ACSF2: variants seen among roughly 807,000 people sequenced by gnomAD.
The protein encoded by ACSF2 is acyl-CoA synthetase family member 2.
In ACSF2, 52 loss-of-function variants were observed where a neutral mutation model predicts 79.3. That is an observed-to-expected ratio of 0.66 (90% CI 0.53 to 0.83). The LOEUF (loss-of-function observed/expected upper bound fraction) is 0.83. Among genes scored for constraint, ACSF2 ranks in the 40% least tolerant of loss-of-function variants. The pLI is 0.00. For missense variants in ACSF2, 661 were observed against 803.3 expected, an observed-to-expected ratio of 0.82 and a Z score of 2.14; for synonymous variants, 283 against 312.6, an observed-to-expected ratio of 0.91 and a Z score of 1.00.
intron 1 of ACSF2, among the ~76,000 whole-genome samples, chr17:50,448,087 T>C (rs547691405): frequency 3.9e-5 from 6 of 152,304 alleles, no homozygotes; most frequent in Admixed American, 3.3e-4. Context: ...TCAGACAATT[T>C]TGTCATTGTG....
intron 1 of ACSF2, among the ~76,000 whole-genome samples, chr17:50,441,000 T>A (rs180798668): frequency 5.9e-5 from 9 of 152,240 alleles, no homozygotes; most frequent in African/African-American, 2.2e-4. Context: ...CGGGAGGGGC[T>A]CCCCATGGAC....
intron 1 of ACSF2, 27 bp downstream of exon 1, chr17:50,426,416 G>T (rs1914985208): frequency 1.5e-6 from 2 of 1,299,766 alleles, no homozygotes; most frequent in Admixed American, 7.7e-5. Context: ...GGAAGAGAGG[G>T]GGCGGGGCAG....
intron 10 of ACSF2, chr17:50,469,052 T>A: frequency 7.7e-7 from 1 of 1,302,236 alleles, no homozygotes; most frequent in Non-Finnish European, 9.7e-7. Flanking sequence ...CCGGCTACCG[T>A]GCATGAGGGG....
chr17:50,449,090 T>C (rs541231222), intron 1 of ACSF2, among the ~76,000 whole-genome samples: 91 of 145,640 alleles, frequency 6.2e-4, no homozygotes, highest in African/African-American at 2.2e-3. Flanking sequence ...AATTTGGGCC[T>C]GCTGCAACTT....
intron 1 of ACSF2, among the ~76,000 whole-genome samples, chr17:50,437,523 G>A (rs978991284): frequency 1.3e-5 from 2 of 152,090 alleles, no homozygotes; most frequent in African/African-American, 4.8e-5. Flanking sequence ...CTGAGCGTGT[G>A]GCTCCTGCCT....
intron 1 of ACSF2, among the ~76,000 whole-genome samples, chr17:50,456,962 G>A (rs1255473278): frequency 6.6e-6 from 1 of 152,112 alleles, no homozygotes; most frequent in Non-Finnish European, 1.5e-5. Context: ...CTACTTGGGA[G>A]GCTGAGATGG....
At chr17:50,465,730 G>A (rs1398131560) in intron 10 of ACSF2, 8 of 1,613,672 alleles carry the variant, frequency 5.0e-6, no homozygotes, top group South Asian at 1.1e-5. Context: ...GGAGCTGGCA[G>A]GTACACTTCC....
chr17:50,469,504 T>G lies in ACSF2; in HGVS notation c.1216-1524T>G, dbSNP rs572556927. On this transcript the variant is annotated intron_variant, in intron 10 of 15. Coordinates refer to ENST00000300441, the MANE Select transcript of ACSF2 (RefSeq NM_025149.6). ...CCACCCTCGGGCGCGCCCCCACCCC[T>G]CTCTTCCAACCCCGCTTGCGTTTCT... Among the ~76,000 whole-genome samples the G allele has an allele frequency of 2.8e-5, 4 of 141,626 alleles. No individual in the cohort carries two copies. In the East Asian group the frequency reaches 8.6e-4, roughly 30 times the overall value. 92.9% of individuals were successfully genotyped at this position (141,626 alleles called of 152,430 possible).
chr17:50,472,154 T>C (rs1045168835), intron 11 of ACSF2: 2 of 450,754 alleles, frequency 4.4e-6, no homozygotes, highest in Non-Finnish European at 3.9e-6. Flanking sequence ...CAAACCTCTT[T>C]CTTTGCAGCA....
intron 12 of ACSF2, 56 bp from the exon 13 acceptor site, chr17:50,473,609 A>G (rs1480223533): frequency 6.2e-7 from 1 of 1,611,248 alleles, no homozygotes. Context: ...ACGACTGAGC[A>G]AGCAAGTGAG....
At position 50,460,803 on chromosome 17, in the gene ACSF2, C is replaced by T; in HGVS notation, c.255C>T (p.Val85=). The T allele has an allele frequency of 1.2e-6, 2 of 1,612,624 alleles. No individual in the cohort carries two copies. The highest frequency in any genetic ancestry group is 1.7e-6 in the Non-Finnish European group (2 of 1,179,278). The change falls in exon 2 of 16, where the codon GTC becomes GTT. Residue 85 remains valine (V), a synonymous_variant. Transcript: ENST00000300441. ...GCCTGGAGACCACAGCACAGAGGGTCCCAGAACGAGAGGCCTTGGTCGTCC... is the reference window on the plus strand; with the variant it reads ...GCCTGGAGACCACAGCACAGAGGGTTCCAGAACGAGAGGCCTTGGTCGTCC... ...GQCLETTAQR[V]PEREALVVLH...
At chr17:50,440,397 A>T (rs547645933) in intron 1 of ACSF2, among the ~76,000 whole-genome samples, 9 of 152,258 alleles carry the variant, frequency 5.9e-5, no homozygotes, top group African/African-American at 2.2e-4. Context: ...GGCAGGGTCC[A>T]CCTGTAAACC....
Position 50,426,305 on chromosome 17 carries a change from C to A in ACSF2, c.44C>A (p.Ala15Asp). The A allele has an allele frequency of 7.1e-7, 1 of 1,416,128 alleles. No homozygotes were observed. Among genetic ancestry groups the A allele is most frequent in the Non-Finnish European group, 9.3e-7 (1 of 1,079,248 alleles). The allele number at this position is 1,416,128 out of a possible 1,614,324, so 87.7% of individuals were successfully genotyped here. Reference sequence around the variant, plus strand: ...ATGCTGCGCCTGGGGAGGCTGTGCGCCGGGAGCTCGGGGGTGCTGGGGGCC... The same window carrying A: ...ATGCTGCGCCTGGGGAGGCTGTGCGACGGGAGCTCGGGGGTGCTGGGGGCC... ...VGMLRLGRLC[A>D]GSSGVLGARA... The change falls in exon 1 of 16, where the codon GCC becomes GAC. Residue 15 changes from alanine (A) to aspartate (D), a missense_variant. Transcript: ENST00000300441.
intron 1 of ACSF2, among the ~76,000 whole-genome samples, chr17:50,444,220 A>T (rs903035829): frequency 6.6e-6 from 1 of 152,134 alleles, no homozygotes; most frequent in African/African-American, 2.4e-5. Flanking sequence ...CCGGTGGTGT[A>T]ATAATCTAGA....
rs2033105063 is a variant in ACSF2 at position 50,471,218 on chromosome 17, G to A, written c.1323+83G>A. On this transcript the variant is annotated intron_variant, in intron 11 of 15. Transcript: ENST00000300441. This position sits in a 1 kb window ranked among gnomAD's most constrained non-coding sequence, Gnocchi z 4.1. ...CCAGCTGGGACATCGGTTGCTTTCA[G>A]TGAGAGAGTCAAATGGCTCACTCAG... The A allele has an allele frequency of 8.5e-7, 1 of 1,179,504 alleles. No homozygotes were observed. Among genetic ancestry groups the A allele is most frequent in the African/African-American group, 1.5e-5 (1 of 66,154 alleles). 73.1% of individuals were successfully genotyped at this position (1,179,504 alleles called of 1,614,324 possible).
At chr17:50,461,064 C>T in intron 2 of ACSF2, 178 bp from the exon 3 acceptor site, 1 of 1,147,396 alleles carries the variant, frequency 8.7e-7, no homozygotes, top group Non-Finnish European at 1.2e-6. Flanking sequence ...ATCAGCAGCT[C>T]CTGGGGCACC....
chr17:50,426,388 A>G lies in ACSF2; in HGVS notation c.127A>G (p.Ser43Gly). Residue 43 changes from serine (S) to glycine (G), a missense_variant and splice_region_variant, in exon 1 of 16, where the codon AGT becomes GGT. Physicochemically the swap from Ser to Gly is moderately conservative, Grantham distance 56. Transcript: ENST00000300441. ...EARLQGVRFL[S>G]SREVDRMVST... ...CAGGTTGCAGGGTGTCCGCTTCCTC[A>G]GGTACTGGCCCCCCGCGGGAAGAGA... 1 of 1,351,660 alleles carries G rather than the reference A, an allele frequency of 7.4e-7. No individual in the cohort carries two copies. Among genetic ancestry groups the G allele is most frequent in the Non-Finnish European group, 9.6e-7 (1 of 1,044,912 alleles). The allele number at this position is 1,351,660 out of a possible 1,614,324, so 83.7% of individuals were successfully genotyped here. A position where few individuals can be genotyped will look rare whatever the true frequency, so the allele number is the denominator to read the frequency against.
At chr17:50,451,445 TTTTTTTA>T (rs989992847) in intron 1 of ACSF2, among the ~76,000 whole-genome samples, 3 of 152,150 alleles carry the variant, frequency 2.0e-5, no homozygotes, top group Admixed American at 6.5e-5. Context: ...TGTTATTTTG[TTTTTTTA>T]TTTTTTATTT....
intron 1 of ACSF2, chr17:50,460,290 C>G (rs1235305770): frequency 2.2e-6 from 1 of 463,434 alleles, no homozygotes; most frequent in African/African-American, 2.0e-5. Flanking sequence ...TTCCCTGGTT[C>G]CTCAGGAAGG....
Sources: allele counts gnomAD v4.1 joint callset (sites outside exome capture counted in the v4.1 genomes callset), GRCh38; gene constraint gnomAD v4.1.1; non-coding constraint Gnocchi (gnomAD v3.1); transcripts MANE v1.5; gene names NCBI Gene and HGNC (gene_info 2026-07-23, HGNC 2026-07-21).